Variants in COL4A6 observed in about 807,000 individuals in gnomAD.
COL4A6 encodes collagen alpha-6(IV) chain.
COL4A6 carries 59 observed loss-of-function variants against 126.7 expected under a neutral mutation model. The observed-to-expected ratio is 0.47, with a 90% CI of 0.38 to 0.58. COL4A6 has a LOEUF of 0.58. COL4A6 is among the 20% of genes least tolerant of loss of function. The pLI is 0.00. For synonymous variants in COL4A6, 547 were observed against 496.6 expected (o/e 1.10, Z -1.35); for missense variants, 1,285 against 1,337.3 (o/e 0.96, Z 0.61).
intron 1 of COL4A6, 49 bp downstream of exon 1, chrX:108,438,137 T>C: frequency 8.3e-7 from 1 of 1,209,625 alleles, no homozygotes; most frequent in Non-Finnish European, 1.1e-6. Flanking sequence ...CCTGGCAAAG[T>C]AACCCGAAGT....
intron 3 of COL4A6, among the ~76,000 whole-genome samples, chrX:108,271,609 G>A (rs1262930983): frequency 9.0e-6 from 1 of 111,195 alleles, no homozygotes; most frequent in Non-Finnish European, 1.9e-5. Flanking sequence ...GCTGCTCCAG[G>A]TATGAGTGAC....
chrX:108,194,402 A>T (rs2035146668), intron 16 of COL4A6, 132 bp downstream of exon 16: 2 of 610,228 alleles, frequency 3.3e-6, no homozygotes, highest in African/African-American at 2.2e-5. Context: ...AAAGCAGATT[A>T]CATGCATTTC....
Position 108,164,883 on chromosome X carries a change from G to A in COL4A6, c.3964C>T (p.Leu1322=). ...GCCAGCCGAGCAGCCGTACCTTTCA[G>A]TCCTAGCTCTCCAGGGAGGCCAGAA... ...GFSGLPGELG[L]KGMRGEPGFM... is the part of the protein sequence containing the mutation. The change falls in exon 39 of 45, where the codon CTG becomes TTG. Residue 1322 remains leucine, a synonymous_variant. Coordinates refer to ENST00000334504, the MANE Select transcript of COL4A6 (RefSeq NM_033641.4). 1 of 1,203,837 alleles carries A rather than the reference G, an allele frequency of 8.3e-7. No homozygotes were observed. Among genetic ancestry groups the A allele is most frequent in the African/African-American group, 1.7e-5 (1 of 57,481 alleles).
chrX:108,391,799 G>A lies in COL4A6; in HGVS notation c.63+46143C>T, dbSNP rs1409608313. Among the ~76,000 whole-genome samples the A allele has an allele frequency of 9.8e-5, 11 of 112,462 alleles. No homozygotes were observed. The East Asian group carries it at 1.4e-3, about 14-fold the overall frequency. On this transcript the variant is annotated intron_variant, in intron 2 of 44. Coordinates refer to ENST00000334504, the MANE Select transcript of COL4A6 (RefSeq NM_033641.4). Reference sequence around the variant, plus strand: ...ACCCCTTGTGCTTCCTGTGTGAGGCGCTGCCCCACCCTGCTTTGGCTCGCC... The same window carrying A: ...ACCCCTTGTGCTTCCTGTGTGAGGCACTGCCCCACCCTGCTTTGGCTCGCC...
intron 3 of COL4A6, among the ~76,000 whole-genome samples, chrX:108,231,406 A>G (rs180753556): frequency 2.5e-4 from 28 of 112,424 alleles, no homozygotes; most frequent in Admixed American, 1.7e-3. Context: ...CTTTGCATCC[A>G]TTTCTTCTAC....
intron 2 of COL4A6, among the ~76,000 whole-genome samples, chrX:108,414,243 G>T (rs985457690): frequency 2.9e-4 from 32 of 112,177 alleles, no homozygotes; most frequent in African/African-American, 1.0e-3. Context: ...TGTACTTTCT[G>T]TCTCCAGTTA....
chrX:108,343,159 A>AG (rs765105305), intron 2 of COL4A6, among the ~76,000 whole-genome samples: 6,847 of 67,703 alleles, frequency 0.1, 444 homozygotes, highest in East Asian at 0.3. Context: ...ATATATATAT[A>AG]TATATAGTGT....
intron 5 of COL4A6, among the ~76,000 whole-genome samples, chrX:108,216,702 C>T (rs933560136): frequency 5.3e-5 from 6 of 112,645 alleles, no homozygotes; most frequent in African/African-American, 1.6e-4. Context: ...TTCTATATTG[C>T]CTCAAGGGAC....
chrX:108,398,334 G>A (rs2041009091), intron 2 of COL4A6, among the ~76,000 whole-genome samples: 1 of 111,647 alleles, frequency 9.0e-6, no homozygotes, highest in African/African-American at 3.3e-5. Flanking sequence ...CTAAAAGGTT[G>A]TCCATGGTTC....
intron 3 of COL4A6, among the ~76,000 whole-genome samples, chrX:108,255,610 T>C (rs1367456774): frequency 2.7e-5 from 3 of 110,440 alleles, no homozygotes; most frequent in African/African-American, 9.9e-5. Context: ...CCTGAATCTG[T>C]TTTTCAGTCC....
intron 3 of COL4A6, among the ~76,000 whole-genome samples, chrX:108,279,605 A>T (rs140573845): frequency 0.029 from 3,270 of 111,423 alleles, 116 homozygotes; most frequent in African/African-American, 0.1. Flanking sequence ...GTTAATAAGG[A>T]TACCCAGGAA....
intron 3 of COL4A6, among the ~76,000 whole-genome samples, chrX:108,305,834 G>T (rs150861662): frequency 1.1e-3 from 120 of 111,925 alleles, no homozygotes; most frequent in African/African-American, 3.4e-3. Context: ...AATTTAGGAA[G>T]GAGTACATCT....
intron 23 of COL4A6, chrX:108,183,706 C>A (rs766404002): frequency 2.2e-6 from 2 of 924,588 alleles, no homozygotes; most frequent in Non-Finnish European, 2.7e-6. Flanking sequence ...AGCTTGTAGA[C>A]CTAGCTAGCT....
intron 2 of COL4A6, among the ~76,000 whole-genome samples, chrX:108,355,501 C>G (rs774164914): frequency 8.9e-6 from 1 of 112,309 alleles, no homozygotes; most frequent in Non-Finnish European, 1.9e-5. Flanking sequence ...ACAAGGCAGA[C>G]AAGGTCCCTG....
At chrX:108,390,423 C>A (rs951163318) in intron 2 of COL4A6, among the ~76,000 whole-genome samples, 3 of 109,588 alleles carry the variant, frequency 2.7e-5, no homozygotes, top group Non-Finnish European at 5.7e-5. Flanking sequence ...AGGCTTCATT[C>A]GTTTCTTTTC....
At chrX:108,339,579 A>G (rs2039511429) in intron 2 of COL4A6, among the ~76,000 whole-genome samples, 1 of 111,806 alleles carries the variant, frequency 8.9e-6, no homozygotes, top group South Asian at 3.7e-4. Context: ...TCTCTTAAAC[A>G]TAGCTTTCAA....
Position 108,437,948 on chromosome X carries a change from T to C in COL4A6, c.57A>G (p.Ala19=). ...GTCGTGAGAAGAGACTCACCGCTGC[T>C]GCCAGTTCCTCGGTCAGGCACAACG... The part of the protein sequence containing the change: ...LVTLCLTEEL[A]AAGEKSYGKP... Residue 19 remains alanine (A), a synonymous_variant, in exon 2 of 45, where the codon GCA becomes GCG. Transcript: ENST00000334504. 8.3e-7 allele frequency: 1 copy of C among 1,211,318 alleles called. No homozygotes were observed. The highest frequency in any genetic ancestry group is 3.0e-5 in the East Asian group (1 of 33,830).
Position 108,193,697 on chromosome X carries a change from C to T in COL4A6, c.1003G>A (p.Gly335Ser). Reference protein sequence around the residue: ...PGLNGFQGIEGQKGDIGLPGP... With the variant: ...PGLNGFQGIESQKGDIGLPGP... ...GGCAGGCCAATGTCACCCTTTTGAC[C>T]CTGCAAAGATTAAGTACATTAAACA... is the stretch of plus-strand genomic sequence containing the variant. The change falls in exon 17 of 45, where the codon GGT becomes AGT. Residue 335 changes from glycine to serine, a missense_variant and splice_region_variant. Coordinates refer to ENST00000334504, the MANE Select transcript of COL4A6 (RefSeq NM_033641.4). The T allele has an allele frequency of 8.3e-7, 1 of 1,200,434 alleles. No individual in the cohort carries two copies. The highest frequency in any genetic ancestry group is 1.8e-5 in the South Asian group (1 of 56,144).
intron 2 of COL4A6, among the ~76,000 whole-genome samples, chrX:108,331,432 A>G (rs1435673124): frequency 1.8e-5 from 2 of 112,295 alleles, no homozygotes; most frequent in Non-Finnish European, 3.8e-5. Context: ...AAACATGTGC[A>G]GTGTTACAGT....
Sources: allele counts gnomAD v4.1 joint callset (sites outside exome capture counted in the v4.1 genomes callset), GRCh38; gene constraint gnomAD v4.1.1; transcripts MANE v1.5; gene names NCBI Gene and HGNC (gene_info 2026-07-23, HGNC 2026-07-21).